Variants in PRICKLE2 observed in about 807,000 individuals in gnomAD.
The protein encoded by PRICKLE2 is prickle planar cell polarity protein 2.
In PRICKLE2, 21 loss-of-function variants were observed where a neutral mutation model predicts 81.4. The observed-to-expected ratio is 0.26, with a 90% CI of 0.18 to 0.37. The LOEUF is 0.37. Ranked by LOEUF, PRICKLE2 falls within the 10% of genes least tolerant of loss-of-function variation. The pLI is 1.00. For missense variants in PRICKLE2, 940 were observed against 1,109.0 expected, an observed-to-expected ratio of 0.85 and a Z score of 2.16; for synonymous variants, 456 against 421.5, an observed-to-expected ratio of 1.08 and a Z score of -1.00.
At chr3:64,259,697 G>C (rs576763259) in intron 2 of PRICKLE2, among the ~76,000 whole-genome samples, 1 of 152,188 alleles carries the variant, frequency 6.6e-6, no homozygotes, top group African/African-American at 2.4e-5. Flanking sequence ...AGTATCCTTA[G>C]AGAGGCAGAG....
chr3:64,157,138 A>C, intron 5 of PRICKLE2, 24 bp downstream of exon 5: 1 of 1,609,264 alleles, frequency 6.2e-7, no homozygotes, highest in Non-Finnish European at 8.5e-7. Flanking sequence ...ATGGGCAGGT[A>C]AACCTGCTGG....
upstream of PRICKLE2, among the ~76,000 whole-genome samples, chr3:64,228,272 T>C (rs2079055819): frequency 6.6e-6 from 1 of 152,114 alleles, no homozygotes; most frequent in Non-Finnish European, 1.5e-5. Context: ...GACAATTAAG[T>C]AGGCAATTAG....
At chr3:64,163,220 T>C in intron 2 of PRICKLE2, 91 bp from the exon 3 acceptor site, 1 of 821,096 alleles carries the variant, frequency 1.2e-6, no homozygotes, top group Non-Finnish European at 2.2e-6. Context: ...CCCAGCAGGA[T>C]GTAACTGACT....
In PRICKLE2 at chr3:64,134,188, T is replaced by G. The variant is rs141821910; in HGVS notation, c.1660+12642A>C. ...GATTGAGAGATTTAAGCCACTTGCC[T>G]GAGTCACACAGCTAGAGAGGTGGTA... On this transcript the variant is annotated intron_variant, in intron 7 of 7. Transcript: ENST00000638394. 2.9e-3 allele frequency among the ~76,000 whole-genome samples: 436 copies of G among 152,292 alleles called. 2 individuals carry two copies. The highest frequency in any genetic ancestry group is 9.0e-3 in the African/African-American group (376 of 41,566).
At chr3:64,259,502 T>C (rs147364925) in intron 2 of PRICKLE2, among the ~76,000 whole-genome samples, 20 of 152,292 alleles carry the variant, frequency 1.3e-4, no homozygotes, top group Non-Finnish European at 2.8e-4. Flanking sequence ...CTTGAGTCAA[T>C]GTGCCTCCGT....
intron 4 of PRICKLE2, among the ~76,000 whole-genome samples, chr3:64,157,911 C>A (rs1012119919): frequency 3.3e-5 from 5 of 152,230 alleles, no homozygotes; most frequent in Non-Finnish European, 7.3e-5. Context: ...CCTCTAACAT[C>A]TTTCTACATA....
At chr3:64,176,277 C>T (rs1049182517) in intron 2 of PRICKLE2, among the ~76,000 whole-genome samples, 4 of 152,160 alleles carry the variant, frequency 2.6e-5, no homozygotes, top group African/African-American at 4.8e-5. Flanking sequence ...CTGGGTGACA[C>T]CTAGCAATCT....
chr3:64,120,043 A>G (rs546414173), intron 7 of PRICKLE2, among the ~76,000 whole-genome samples: 1 of 152,292 alleles, frequency 6.6e-6, no homozygotes, highest in Non-Finnish European at 1.5e-5. Flanking sequence ...AACAAGAGAC[A>G]TGGGGGCTAC....
chr3:64,249,221 T>C (rs2079405415), intron 2 of PRICKLE2, among the ~76,000 whole-genome samples: 1 of 151,990 alleles, frequency 6.6e-6, no homozygotes, highest in African/African-American at 2.4e-5. Flanking sequence ...AAGCACCTCT[T>C]ACCATGGCAG....
chr3:64,202,985 T>C (rs2078616269), intron 1 of PRICKLE2, among the ~76,000 whole-genome samples: 1 of 152,230 alleles, frequency 6.6e-6, no homozygotes, highest in South Asian at 2.1e-4. Context: ...TGTTGGAGTT[T>C]GTCAAATGCA....
intron 2 of PRICKLE2, among the ~76,000 whole-genome samples, chr3:64,250,207 G>C (rs1431427994): frequency 6.6e-6 from 1 of 152,104 alleles, no homozygotes; most frequent in African/African-American, 2.4e-5. Flanking sequence ...GTTAGATCTG[G>C]GTTTCTCAAC....
At chr3:64,178,161 A>C (rs2078057730) in intron 2 of PRICKLE2, among the ~76,000 whole-genome samples, 1 of 152,174 alleles carries the variant, frequency 6.6e-6, no homozygotes, top group African/African-American at 2.4e-5. Context: ...ATGATGTTGG[A>C]CATCTTTTCA....
chr3:64,234,612 A>G (rs895687504), intron 2 of PRICKLE2, among the ~76,000 whole-genome samples: 6 of 152,290 alleles, frequency 3.9e-5, no homozygotes, highest in Middle Eastern at 3.4e-3. Flanking sequence ...TGTGGGGTAT[A>G]TCCTTTTTCT....
chr3:64,120,619 A>G (rs988573442), intron 7 of PRICKLE2, among the ~76,000 whole-genome samples: 1 of 152,236 alleles, frequency 6.6e-6, no homozygotes, highest in Non-Finnish European at 1.5e-5. Flanking sequence ...ATCTCTGACA[A>G]GCTTCTAGAA....
At chr3:64,188,524 T>A (rs2107094681) in intron 2 of PRICKLE2, among the ~76,000 whole-genome samples, 1 of 152,334 alleles carries the variant, frequency 6.6e-6, no homozygotes, top group Middle Eastern at 3.4e-3. Context: ...TCCCAGGTGA[T>A]ACTAGTGCTA....
rs200281793 is a variant in PRICKLE2 at position 64,099,652 on chromosome 3, A to C, written c.1934T>G (p.Phe645Cys). The C allele has an allele frequency of 6.2e-7, 1 of 1,614,090 alleles. No homozygotes were observed. Among genetic ancestry groups the C allele is most frequent in the East Asian group, 2.2e-5 (1 of 44,866 alleles). ...CTTGCTGCCCGCCATCCCTCCATCA[A>C]AATCAAAGCTCTGATGCATCCTTCC... ...SHGRMHQSFD[F>C]DGGMAGSKLP... is the part of the protein sequence containing the mutation. The change falls in exon 8 of 8, where the codon TTT (phenylalanine) becomes TGT (cysteine). Residue 645 changes from phenylalanine (F) to cysteine (C), a missense_variant. By Grantham distance (205) the Phe-to-Cys change is radical. This residue lies in a region of PRICKLE2 where 670 missense variants were observed against 717.2 expected (regional missense o/e 0.93). Transcript: ENST00000638394. The surrounding 1 kb of genome is among the most constrained non-coding windows in gnomAD (Gnocchi z 4.3).
At chr3:64,177,295 C>G (rs976696095) in intron 2 of PRICKLE2, among the ~76,000 whole-genome samples, 1 of 151,626 alleles carries the variant, frequency 6.6e-6, no homozygotes, top group Admixed American at 6.6e-5. Flanking sequence ...ACCACCACAC[C>G]CGGCTAGTTT....
At chr3:64,258,823 C>CAAAAA (rs1156901811) in intron 2 of PRICKLE2, among the ~76,000 whole-genome samples, 2 of 70,390 alleles carry the variant, frequency 2.8e-5, no homozygotes, top group Non-Finnish European at 5.0e-5. Flanking sequence ...GACTCTGTCT[C>CAAAAA]AAAAAAAAAA....
At chr3:64,186,203 A>G (rs1233511764) in intron 2 of PRICKLE2, among the ~76,000 whole-genome samples, 2 of 152,210 alleles carry the variant, frequency 1.3e-5, no homozygotes, top group Admixed American at 1.3e-4. Context: ...GTTATTTCCA[A>G]TTTTTGACTA....
Sources: allele counts gnomAD v4.1 joint callset (sites outside exome capture counted in the v4.1 genomes callset), GRCh38; gene constraint gnomAD v4.1.1; regional missense constraint gnomAD v4.1.1; non-coding constraint Gnocchi (gnomAD v3.1); transcripts MANE v1.5; gene names NCBI Gene and HGNC (gene_info 2026-07-23, HGNC 2026-07-21).